PCDH11X: variants seen among roughly 807,000 people sequenced by gnomAD.
The protein encoded by PCDH11X is protocadherin-11 X-linked.
A neutral mutation model predicts 53.3 loss-of-function variants in PCDH11X; 18 were observed. That is an observed-to-expected ratio of 0.34 (90% CI 0.23 to 0.50). PCDH11X has a LOEUF of 0.50. Among genes scored for constraint, PCDH11X ranks in the 20% least tolerant of loss-of-function variants. PCDH11X has a pLI of 0.98. For missense variants in PCDH11X, 570 were observed against 1,032.4 expected, an observed-to-expected ratio of 0.55 and a Z score of 6.14; for synonymous variants, 279 against 393.3, an observed-to-expected ratio of 0.71 and a Z score of 3.44.
At chrX:91,967,288 C>A (rs1020363700) in intron 6 of PCDH11X, among the ~76,000 whole-genome samples, 259 of 110,143 alleles carry the variant, frequency 2.4e-3, no homozygotes, top group African/African-American at 8.3e-3. Context: ...GGCCATGGAC[C>A]GGTACCTATC....
chrX:92,083,663 T>G (rs2063899527), intron 6 of PCDH11X, among the ~76,000 whole-genome samples: 1 of 111,824 alleles, frequency 8.9e-6, no homozygotes, highest in African/African-American at 3.2e-5. Context: ...TCTAAAAATG[T>G]GTTTTACCAT....
At chrX:92,503,481 C>A (rs1334070593) in intron 10 of PCDH11X, among the ~76,000 whole-genome samples, 1 of 106,399 alleles carries the variant, frequency 9.4e-6, no homozygotes, top group Non-Finnish European at 1.9e-5. Context: ...AACCTAAACG[C>A]CCATCAATGA....
intron 9 of PCDH11X, among the ~76,000 whole-genome samples, chrX:92,433,104 G>A (rs1391715848): frequency 3.6e-5 from 4 of 110,301 alleles, no homozygotes; most frequent in Non-Finnish European, 7.6e-5. Flanking sequence ...GATTCATAGT[G>A]GTGTTTTTTG....
At chrX:92,338,978 A>C (rs2069685260) in intron 8 of PCDH11X, among the ~76,000 whole-genome samples, 2 of 111,845 alleles carry the variant, frequency 1.8e-5, no homozygotes. Context: ...CTAAGCAAAA[A>C]GAACAAAACT....
At chrX:91,981,973 A>C (rs1369306947) in intron 6 of PCDH11X, among the ~76,000 whole-genome samples, 1 of 107,918 alleles carries the variant, frequency 9.3e-6, no homozygotes, top group Non-Finnish European at 1.9e-5. Flanking sequence ...GAGTGTTGTC[A>C]CCATGTGATT....
intron 10 of PCDH11X, among the ~76,000 whole-genome samples, chrX:92,496,431 G>C (rs35527786): frequency 1.9e-5 from 2 of 107,580 alleles, no homozygotes; most frequent in South Asian, 3.9e-4. Flanking sequence ...GGAATTAATC[G>C]TTGGAGGAAA....
intron 6 of PCDH11X, among the ~76,000 whole-genome samples, chrX:91,961,852 C>CCT (rs1196063783): frequency 2.7e-5 from 3 of 109,787 alleles, no homozygotes; most frequent in African/African-American, 1.0e-4. Flanking sequence ...GCAAACACAT[C>CCT]CTTCTTCACA....
intron 10 of PCDH11X, among the ~76,000 whole-genome samples, chrX:92,537,988 T>A (rs1281757385): frequency 7.4e-5 from 7 of 95,234 alleles, no homozygotes; most frequent in Non-Finnish European, 1.5e-4. Context: ...GTCCTTTTTA[T>A]TTATTTGTTT....
chrX:92,419,501 T>A (rs184389813), intron 9 of PCDH11X, among the ~76,000 whole-genome samples: 1 of 107,742 alleles, frequency 9.3e-6, no homozygotes, highest in African/African-American at 3.4e-5. Context: ...CTTTGTTTTT[T>A]TTGTTTCATT....
At chrX:92,486,657 TG>T (rs2073647113) in intron 10 of PCDH11X, among the ~76,000 whole-genome samples, 1 of 111,684 alleles carries the variant, frequency 9.0e-6, no homozygotes, top group African/African-American at 3.2e-5. Context: ...AATTAATAAT[TG>T]ATATATTTTC....
At chrX:92,234,575 A>ATG (rs777245394) in intron 7 of PCDH11X, among the ~76,000 whole-genome samples, 170 of 111,250 alleles carry the variant, frequency 1.5e-3, no homozygotes, top group African/African-American at 5.0e-3. Flanking sequence ...ATGTGTGTGT[A>ATG]TGTGTGTGTG....
intron 6 of PCDH11X, among the ~76,000 whole-genome samples, chrX:91,915,575 A>G (rs1258337073): frequency 3.6e-5 from 4 of 111,464 alleles, no homozygotes; most frequent in Non-Finnish European, 5.7e-5. Context: ...TAAAGCAACA[A>G]CATGAAGAAA....
At chrX:92,246,470 A>G (rs1031250032) in intron 7 of PCDH11X, among the ~76,000 whole-genome samples, 1 of 110,798 alleles carries the variant, frequency 9.0e-6, no homozygotes, top group African/African-American at 3.3e-5. Context: ...CTCCTGCCTC[A>G]GTATCCCGAG....
At chrX:92,249,804 G>A (rs2067423117) in intron 7 of PCDH11X, among the ~76,000 whole-genome samples, 1 of 111,357 alleles carries the variant, frequency 9.0e-6, no homozygotes, top group African/African-American at 3.3e-5. Flanking sequence ...TATATAATCT[G>A]CATGTTCCAA....
chrX:92,093,068 T>A (rs1406883941), intron 6 of PCDH11X, among the ~76,000 whole-genome samples: 1 of 111,698 alleles, frequency 9.0e-6, no homozygotes, highest in Non-Finnish European at 1.9e-5. Context: ...CCTTCTGCCA[T>A]AACTGAAAGT....
chrX:92,050,364 G>T (rs1435179508), intron 6 of PCDH11X, among the ~76,000 whole-genome samples: 2 of 105,417 alleles, frequency 1.9e-5, no homozygotes, highest in Non-Finnish European at 3.9e-5. Flanking sequence ...TGAATATAAA[G>T]GATAGTAGAA....
chrX:91,953,172 T>G (rs756991270), intron 6 of PCDH11X, among the ~76,000 whole-genome samples: 2 of 110,023 alleles, frequency 1.8e-5, no homozygotes, highest in African/African-American at 6.7e-5. Context: ...TAATTATATA[T>G]TTTAAAGTAA....
At chrX:91,818,435 C>G (rs6652612) in intron 4 of PCDH11X, among the ~76,000 whole-genome samples, 1 of 110,017 alleles carries the variant, frequency 9.1e-6, no homozygotes, top group Non-Finnish European at 1.9e-5. Context: ...CACGATGGCT[C>G]ACGCCTGTAA....
intron 8 of PCDH11X, among the ~76,000 whole-genome samples, chrX:92,352,833 C>T (rs1462226118): frequency 9.0e-6 from 1 of 111,133 alleles, no homozygotes; most frequent in Non-Finnish European, 1.9e-5. Flanking sequence ...TCAGGTCTCT[C>T]AGCTGTGAAT....
Sources: allele counts gnomAD v4.1 joint callset (sites outside exome capture counted in the v4.1 genomes callset), GRCh38; gene constraint gnomAD v4.1.1; transcripts MANE v1.5; gene names NCBI Gene and HGNC (gene_info 2026-07-23, HGNC 2026-07-21).